Variants in SPIDR observed in about 807,000 individuals in gnomAD.
The protein encoded by SPIDR is DNA repair-scaffolding protein.
In SPIDR, 93 loss-of-function variants were observed where a neutral mutation model predicts 104.6. The observed-to-expected ratio is 0.89, with a 90% CI of 0.75 to 1.06. The LOEUF (loss-of-function observed/expected upper bound fraction) is 1.06. SPIDR is among the 50% of genes least tolerant of loss of function. The pLI is 0.00. For synonymous variants in SPIDR, 431 were observed against 416.9 expected, an observed-to-expected ratio of 1.03 and a Z score of -0.41; for missense variants, 1,154 against 1,111.2, an observed-to-expected ratio of 1.04 and a Z score of -0.55.
At chr8:47,525,230 C>G (rs1370877778) in intron 8 of SPIDR, among the ~76,000 whole-genome samples, 1 of 152,174 alleles carries the variant, frequency 6.6e-6, no homozygotes, top group Non-Finnish European at 1.5e-5. Context: ...AGGGAAAAAC[C>G]CAGGGGGTGA....
chr8:47,461,057 G>T (rs574469706), intron 8 of SPIDR, among the ~76,000 whole-genome samples: 7 of 152,160 alleles, frequency 4.6e-5, no homozygotes, highest in African/African-American at 1.7e-4. Flanking sequence ...TTCTTTTTAG[G>T]TTACCTGGTG....
intron 5 of SPIDR, among the ~76,000 whole-genome samples, chr8:47,303,976 C>G (rs2042702704): frequency 6.6e-6 from 1 of 152,052 alleles, no homozygotes; most frequent in Admixed American, 6.6e-5. Flanking sequence ...TGCACCTGGC[C>G]TGCGGTATTT....
chr8:47,284,144 C>A, intron 3 of SPIDR, 50 bp downstream of exon 3: 1 of 1,434,348 alleles, frequency 7.0e-7, no homozygotes. Context: ...ACTAATAAAT[C>A]CTTCTGTGAT....
At chr8:47,400,340 G>A (rs569269297) in intron 6 of SPIDR, among the ~76,000 whole-genome samples, 1 of 152,180 alleles carries the variant, frequency 6.6e-6, no homozygotes, top group African/African-American at 2.4e-5. Flanking sequence ...GTGATTTCTA[G>A]GAACAACTAA....
chr8:47,456,342 A>T (rs2154351087), intron 8 of SPIDR, among the ~76,000 whole-genome samples: 1 of 152,332 alleles, frequency 6.6e-6, no homozygotes. Context: ...AACCAGGCCT[A>T]CTTAACATCT....
chr8:47,537,958 T>C (rs903512785), intron 8 of SPIDR, among the ~76,000 whole-genome samples: 2 of 151,816 alleles, frequency 1.3e-5, no homozygotes, highest in Non-Finnish European at 2.9e-5. Context: ...GGGCGGATCA[T>C]TTGAGGTCAG....
chr8:47,585,585 T>C (rs185577659), intron 8 of SPIDR, among the ~76,000 whole-genome samples: 10 of 152,240 alleles, frequency 6.6e-5, no homozygotes, highest in African/African-American at 2.4e-4. Context: ...ACAGAATACC[T>C]GAAACTGGGT....
chr8:47,360,891 G>T lies in SPIDR; in HGVS notation c.526-35485G>T. ...GCTGGACCACAGACACTGCTTTGGT[G>T]CTGTTTGTGTTCATGGTAGGATAAG... On this transcript the variant is annotated intron_variant, in intron 5 of 19. Transcript: ENST00000297423. 3.0e-6 allele frequency: 3 copies of T among 985,370 alleles called. No homozygotes were observed. In the South Asian group the frequency reaches 1.4e-4, roughly 46 times the overall value. The allele number at this position is 985,370 out of a possible 1,614,324, so 61.0% of individuals were successfully genotyped here.
chr8:47,510,195 T>C (rs553378586), intron 8 of SPIDR, among the ~76,000 whole-genome samples: 2 of 152,326 alleles, frequency 1.3e-5, no homozygotes, highest in African/African-American at 4.8e-5. Context: ...GAATCTTCAG[T>C]CTCATTATTA....
intron 10 of SPIDR, among the ~76,000 whole-genome samples, chr8:47,610,238 T>C (rs990906959): frequency 1.3e-5 from 2 of 152,132 alleles, no homozygotes; most frequent in African/African-American, 4.8e-5. Context: ...TTCCTGCAGC[T>C]GCAATCTGGA....
At chr8:47,440,157 G>T (rs1045992994) in intron 7 of SPIDR, among the ~76,000 whole-genome samples, 166 bp from the exon 8 acceptor site, 1 of 152,174 alleles carries the variant, frequency 6.6e-6, no homozygotes, top group Non-Finnish European at 1.5e-5. Flanking sequence ...AAGTGTTATA[G>T]TGAGCATCGT....
At chr8:47,421,980 A>T (rs1206465498) in intron 7 of SPIDR, among the ~76,000 whole-genome samples, 1 of 152,186 alleles carries the variant, frequency 6.6e-6, no homozygotes, top group Admixed American at 6.5e-5. Context: ...GTTTTGTCTC[A>T]GAGGAGTACC....
intron 10 of SPIDR, among the ~76,000 whole-genome samples, chr8:47,667,440 G>GAAAAAAAAAA (rs528607871): frequency 1.9e-5 from 1 of 52,634 alleles, no homozygotes; most frequent in Admixed American, 2.3e-4. Context: ...CTTCAAAAGG[G>GAAAAAAAAAA]AAAAAAAAAA....
chr8:47,633,286 C>T (rs1333702980), intron 10 of SPIDR, among the ~76,000 whole-genome samples: 1 of 151,850 alleles, frequency 6.6e-6, no homozygotes, highest in Non-Finnish European at 1.5e-5. Flanking sequence ...AAACAAAAAG[C>T]CAGTCATCTG....
At chr8:47,462,270 C>G (rs1667914815) in intron 8 of SPIDR, among the ~76,000 whole-genome samples, 1 of 152,152 alleles carries the variant, frequency 6.6e-6, no homozygotes, top group Non-Finnish European at 1.5e-5. Context: ...TGTGAACCGT[C>G]TTGAGGTTTC....
At position 47,511,911 on chromosome 8, in the gene SPIDR, G is replaced by A. The variant is rs186125319; in HGVS notation, c.1097+71369G>A. ...CCTCATCCTCATCTTGGTCATGAGTGAGATCTCTAAAGGATGTCACTCTAT... is the reference window on the plus strand; with the variant it reads ...CCTCATCCTCATCTTGGTCATGAGTAAGATCTCTAAAGGATGTCACTCTAT... On this transcript the variant is annotated intron_variant, in intron 8 of 19. Transcript: ENST00000297423. The A allele has an allele frequency of 7.5e-6, 6 of 795,662 alleles. No individual in the cohort carries two copies. The Admixed American group carries it at 1.0e-4, about 14-fold the overall frequency. The allele number at this position is 795,662 out of a possible 1,614,324, so 49.3% of individuals were successfully genotyped here.
Position 47,262,181 on chromosome 8 carries a change from G to A in SPIDR, c.33+1190G>A, listed in dbSNP as rs1357633807. ...GATCTATATTAGATCTTTCCCTAGAGCTCAAACTTAGTGCATCACATAATC... is the reference window on the plus strand; with the variant it reads ...GATCTATATTAGATCTTTCCCTAGAACTCAAACTTAGTGCATCACATAATC... On this transcript the variant is annotated intron_variant, in intron 1 of 19. Coordinates refer to ENST00000297423, the MANE Select transcript of SPIDR (RefSeq NM_001080394.4). Among the ~76,000 whole-genome samples, 6 of 152,240 alleles carry A rather than the reference G, an allele frequency of 3.9e-5. No individual in the cohort carries two copies. The East Asian group carries it at 1.2e-3, about 29-fold the overall frequency.
intron 10 of SPIDR, among the ~76,000 whole-genome samples, chr8:47,649,816 T>C (rs976928070): frequency 6.6e-6 from 1 of 152,186 alleles, no homozygotes; most frequent in African/African-American, 2.4e-5. Context: ...TACAGGTCAA[T>C]AAATATGATA....
intron 8 of SPIDR, among the ~76,000 whole-genome samples, chr8:47,496,032 AT>A (rs1048820496): frequency 6.6e-6 from 1 of 152,176 alleles, no homozygotes; most frequent in African/African-American, 2.4e-5. Flanking sequence ...AATACAATTA[AT>A]TTTTGTATAT....
Sources: gnomAD v4.1 joint callset for allele counts (sites outside exome capture counted in the v4.1 genomes callset) on GRCh38, gnomAD v4.1.1 for gene constraint, MANE v1.5 for transcripts, NCBI Gene and HGNC (gene_info 2026-07-23, HGNC 2026-07-21) for gene names.